The following GPATCH1 variants were observed in gnomAD, a reference collection of about 807,000 sequenced individuals.
GPATCH1 encodes G-patch domain containing 1.
Under a neutral mutation model 114.9 loss-of-function variants are expected in GPATCH1, and 73 were observed. The observed-to-expected ratio is 0.64, with a 90% CI of 0.53 to 0.77. The LOEUF is 0.77. Ranked by LOEUF, GPATCH1 falls within the 30% of genes least tolerant of loss-of-function variation. GPATCH1 has a pLI of 0.00. For missense variants in GPATCH1, 1,058 were observed against 1,144.3 expected, an observed-to-expected ratio of 0.92 and a Z score of 1.09; for synonymous variants, 391 against 428.4, an observed-to-expected ratio of 0.91 and a Z score of 1.08.
rs142121690 is a variant in GPATCH1 at position 33,109,749 on chromosome 19, C to T, written c.1318C>T (p.Gln440Ter). ...SATSVLEFLS[Q>*]KDKERIKEMK... ...TACTTCAGTGTTAGAATTTCTGTCC[C>T]AAAAAGACAAAGAGAGAATCAAAGA... The change falls in exon 11 of 20, where the codon CAA (glutamine) becomes TAA (stop). Residue 440 changes from glutamine to a stop codon, truncating the protein, a stop_gained. Transcript: ENST00000170564. LOFTEE classifies it high-confidence loss of function. The T allele has an allele frequency of 3.0e-5, 48 of 1,583,492 alleles. No individual in the cohort carries two copies. Among genetic ancestry groups the T allele is most frequent in the Non-Finnish European group, 3.7e-5 (43 of 1,164,720 alleles).
At chr19:33,118,063 G>A (rs764626929) in intron 16 of GPATCH1, 22 bp downstream of exon 16, 41 of 1,543,004 alleles carry the variant, frequency 2.7e-5, no homozygotes, top group Non-Finnish European at 3.5e-5. Context: ...TTTCAGACTC[G>A]GGGATCTAAA....
intron 7 of GPATCH1, among the ~76,000 whole-genome samples, chr19:33,096,962 T>G (rs1972667941): frequency 6.8e-6 from 1 of 146,244 alleles, no homozygotes; most frequent in African/African-American, 2.5e-5. Flanking sequence ...CTTTTTTTTT[T>G]GAGACAGAGT....
chr19:33,100,609 A>T (rs971465488), intron 8 of GPATCH1, among the ~76,000 whole-genome samples: 2 of 138,362 alleles, frequency 1.4e-5, no homozygotes, highest in Non-Finnish European at 3.1e-5. Context: ...AAAAAAAAAA[A>T]GCCCAACAGG....
Position 33,090,796 on chromosome 19 carries a change from C to G in GPATCH1, c.225C>G (p.Thr75=). The change falls in exon 3 of 20, where the codon ACC becomes ACG. Residue 75 remains threonine, a synonymous_variant. Transcript: ENST00000170564. ...TTTTTTCAGGATGGACACCCTCTAC[C>G]TTTGTGTCTTCACGACAGAACAGAG... ...VGSKEGWTPS[T]FVSSRQNRAD... 6.2e-7 allele frequency: 1 copy of G among 1,611,378 alleles called. No homozygotes were observed. The highest frequency in any genetic ancestry group is 8.5e-7 in the Non-Finnish European group (1 of 1,177,756).
In GPATCH1 at chr19:33,125,219, T is replaced by G; in HGVS notation, c.2619+17T>G. On this transcript the variant is annotated intron_variant, in intron 18 of 19. Coordinates refer to ENST00000170564, the MANE Select transcript of GPATCH1 (RefSeq NM_018025.3). ...AAAGAGAAGGTGAGAGACTTGTGTG[T>G]ACCCCAGGATCAGTGTGGGGTGGGA... 6.3e-7 allele frequency: 1 copy of G among 1,580,034 alleles called. No individual in the cohort carries two copies. The highest frequency in any genetic ancestry group is 8.6e-7 in the Non-Finnish European group (1 of 1,163,536).
chr19:33,119,570 C>T (rs1193440083), intron 17 of GPATCH1, among the ~76,000 whole-genome samples: 18 of 151,898 alleles, frequency 1.2e-4, no homozygotes, highest in Middle Eastern at 3.2e-3. Context: ...TAGTGACGCA[C>T]GCCTGTAGTC....
chr19:33,112,261 C>T (rs930185393), intron 12 of GPATCH1, among the ~76,000 whole-genome samples: 43 of 152,156 alleles, frequency 2.8e-4, no homozygotes, highest in African/African-American at 8.4e-4. Context: ...CCACCATGCC[C>T]GGCCGAGCCA....
chr19:33,081,289 G>A, intron 1 of GPATCH1, 23 bp downstream of exon 1: 1 of 1,544,414 alleles, frequency 6.5e-7, no homozygotes, highest in Non-Finnish European at 8.8e-7. Context: ...TGGGCCGGCG[G>A]AGCCTGTGGA....
chr19:33,119,238 T>C, intron 17 of GPATCH1, 121 bp downstream of exon 17: 1 of 539,130 alleles, frequency 1.9e-6, no homozygotes, highest in Non-Finnish European at 3.3e-6. Flanking sequence ...ATGTTTTCAG[T>C]CATATTTTAA....
At chr19:33,115,085 C>T (rs1357176728) in intron 15 of GPATCH1, among the ~76,000 whole-genome samples, 1 of 147,674 alleles carries the variant, frequency 6.8e-6, no homozygotes, top group Non-Finnish European at 1.5e-5. Context: ...TTCTCTGACA[C>T]CGGCTTTTAC....
intron 14 of GPATCH1, 140 bp from the exon 15 acceptor site, chr19:33,114,113 C>A: frequency 1.1e-6 from 1 of 914,244 alleles, no homozygotes; most frequent in Non-Finnish European, 1.7e-6. Flanking sequence ...TCTGCCTCTG[C>A]CACCTACCTC....
chr19:33,112,563 C>T lies in GPATCH1; in HGVS notation c.1842C>T (p.His614=). The T allele has an allele frequency of 6.2e-7, 1 of 1,613,810 alleles. No individual in the cohort carries two copies. The highest frequency in any genetic ancestry group is 8.5e-7 in the Non-Finnish European group (1 of 1,179,782). ...GKLTRDTFEW[H]PDKLLCKRFN... The stretch of plus-strand genomic sequence containing the variant: ...TCACCCGAGACACGTTTGAGTGGCA[C>T]CCTGACAAGCTTCTATGTAAGAGAT... The change falls in exon 13 of 20, where the codon CAC becomes CAT. Residue 614 remains histidine (H), a synonymous_variant. Coordinates refer to ENST00000170564, the MANE Select transcript of GPATCH1 (RefSeq NM_018025.3).
intron 11 of GPATCH1, 66 bp downstream of exon 11, chr19:33,110,082 C>A: frequency 1.5e-6 from 2 of 1,322,568 alleles, no homozygotes; most frequent in Non-Finnish European, 2.1e-6. Flanking sequence ...CTGTTCTCAT[C>A]CTAGACCCAT....
Position 33,109,823 on chromosome 19 carries a change from T to G in GPATCH1, c.1392T>G (p.Ser464Arg), listed in dbSNP as rs370652438. The G allele has an allele frequency of 2.3e-5, 37 of 1,612,802 alleles. No individual in the cohort carries two copies. Among genetic ancestry groups the G allele is most frequent in the Non-Finnish European group, 3.1e-5 (36 of 1,179,452 alleles). Residue 464 changes from serine to arginine, a missense_variant, in exon 11 of 20, where the codon AGT becomes AGG. By Grantham distance (110) the Ser-to-Arg change is moderately radical (BLOSUM62 -1). Coordinates refer to ENST00000170564, the MANE Select transcript of GPATCH1 (RefSeq NM_018025.3). ...AAGCAGCTCAGCTCAAGGCCAGGAGTCTGGCCCAGAACGCTCAGAGCAGCA... is the reference window on the plus strand; with the variant it reads ...AAGCAGCTCAGCTCAAGGCCAGGAGGCTGGCCCAGAACGCTCAGAGCAGCA... Reference protein sequence around the residue: ...DLKAAQLKARSLAQNAQSSRA... With the variant: ...DLKAAQLKARRLAQNAQSSRA...
At chr19:33,122,110 C>G (rs1028680485) in intron 17 of GPATCH1, among the ~76,000 whole-genome samples, 10 of 151,994 alleles carry the variant, frequency 6.6e-5, no homozygotes, top group African/African-American at 2.4e-4. Flanking sequence ...CCTCCACCTC[C>G]CAAGTTCAGG....
At chr19:33,118,069 C>T (rs1319992430) in intron 16 of GPATCH1, 28 bp downstream of exon 16, 4 of 1,498,184 alleles carry the variant, frequency 2.7e-6, no homozygotes, top group Non-Finnish European at 3.7e-6. Context: ...ACTCGGGGAT[C>T]TAAAGGAGAA....
chr19:33,125,620 C>A (rs10405757), intron 18 of GPATCH1, among the ~76,000 whole-genome samples: 55,902 of 151,726 alleles, frequency 0.37, 11,782 homozygotes, highest in South Asian at 0.62. Context: ...TCCTGACCTC[C>A]GGTGATCTAC....
intron 17 of GPATCH1, among the ~76,000 whole-genome samples, chr19:33,124,139 C>T (rs929472734): frequency 1.3e-4 from 20 of 152,092 alleles, no homozygotes; most frequent in Admixed American, 7.9e-4. Context: ...CAGGCATGAG[C>T]CACCGTTCCT....
At chr19:33,093,311 G>A (rs977674139) in intron 3 of GPATCH1, 48 bp from the exon 4 acceptor site, 3 of 1,271,130 alleles carry the variant, frequency 2.4e-6, no homozygotes, top group Admixed American at 3.5e-5. Flanking sequence ...GATGTATTGT[G>A]TATAGTCACT....
Sources: gnomAD v4.1 joint callset for allele counts (sites outside exome capture counted in the v4.1 genomes callset) on GRCh38, gnomAD v4.1.1 for gene constraint, MANE v1.5 for transcripts, NCBI Gene and HGNC (gene_info 2026-07-23, HGNC 2026-07-21) for gene names.